The following TMCO5A variants were observed in gnomAD, a reference collection of about 807,000 sequenced individuals.
The protein encoded by TMCO5A is transmembrane and coiled-coil domain-containing protein 5A.
In TMCO5A, 34 loss-of-function variants were observed where a neutral mutation model predicts 42.3. That is an observed-to-expected ratio of 0.80 (90% CI 0.61 to 1.07). TMCO5A has a LOEUF of 1.07. TMCO5A is among the 50% of genes least tolerant of loss of function. The pLI, the probability that TMCO5A is intolerant of heterozygous loss-of-function variation, is 0.00. For missense variants in TMCO5A, 357 were observed against 327.9 expected (o/e 1.09, Z -0.69); for synonymous variants, 131 against 115.6 (o/e 1.13, Z -0.86).
chr15:38,007,584 A>T, the TMCO5A span, among the ~76,000 whole-genome samples: 7 of 152,190 alleles, frequency 4.6e-5, no homozygotes, highest in Non-Finnish European at 1.0e-4. Context: ...GTCCCCTAAA[A>T]CACACTCTCA....
At chr15:37,980,842 T>C in the TMCO5A span, among the ~76,000 whole-genome samples, 1 of 152,078 alleles carries the variant, frequency 6.6e-6, no homozygotes, top group South Asian at 2.1e-4. Flanking sequence ...ATCCACACCC[T>C]CTAAACCCAT....
downstream of TMCO5A, among the ~76,000 whole-genome samples, chr15:37,953,952 T>C (rs538511594): frequency 2.6e-4 from 39 of 151,834 alleles, no homozygotes; most frequent in African/African-American, 8.9e-4. Context: ...AATAGCAGAA[T>C]TGATCAAGCA....
chr15:38,032,372 T>C, the TMCO5A span, among the ~76,000 whole-genome samples: 5 of 152,318 alleles, frequency 3.3e-5, no homozygotes, highest in Admixed American at 2.6e-4. Context: ...TTTTCCTTCC[T>C]GGCATTTTTT....
chr15:38,011,781 T>C, the TMCO5A span, among the ~76,000 whole-genome samples: 9 of 152,310 alleles, frequency 5.9e-5, no homozygotes, highest in East Asian at 1.2e-3. Flanking sequence ...CGTGTTTCTG[T>C]GTATCTTTTC....
chr15:38,029,442 G>A, the TMCO5A span, among the ~76,000 whole-genome samples: 1 of 150,906 alleles, frequency 6.6e-6, no homozygotes, highest in East Asian at 1.9e-4. Flanking sequence ...ATCCTGAGAA[G>A]CATAATCCAC....
At chr15:37,979,871 A>C in the TMCO5A span, among the ~76,000 whole-genome samples, 7,210 of 152,164 alleles carry the variant, frequency 0.047, 567 homozygotes, top group African/African-American at 0.16. Flanking sequence ...CTGCCCACTG[A>C]GGGTAAGTGG....
rs757531069 is a variant in TMCO5A at position 37,936,366 on chromosome 15, A to G, written c.43A>G (p.Ser15Gly). 6.2e-7 allele frequency: 1 copy of G among 1,612,928 alleles called. No homozygotes were observed. Reference sequence around the variant, plus strand: ...GGCTCAGTCAAAAAGAAACATTATCAGTTTGAACATGGACCTTGAAAGGGA... The same window carrying G: ...GGCTCAGTCAAAAAGAAACATTATCGGTTTGAACATGGACCTTGAAAGGGA... ...RLAQSKRNII[S>G]LNMDLERDTQ... Residue 15 changes from serine (S) to glycine (G), a missense_variant, in exon 3 of 12, where the codon AGT becomes GGT. Coordinates refer to ENST00000319669, the MANE Select transcript of TMCO5A (RefSeq NM_152453.4).
the TMCO5A span, among the ~76,000 whole-genome samples, chr15:38,035,896 G>A: frequency 6.6e-6 from 1 of 152,162 alleles, no homozygotes; most frequent in Non-Finnish European, 1.5e-5. Flanking sequence ...GTCAAAAACA[G>A]AGAGGATGCC....
chr15:38,007,480 G>T, the TMCO5A span, among the ~76,000 whole-genome samples: 1 of 152,148 alleles, frequency 6.6e-6, no homozygotes, highest in Non-Finnish European at 1.5e-5. Flanking sequence ...AATTAAAAAA[G>T]ATCTGTTGGA....
Position 37,943,300 on chromosome 15 carries a change from T to C in TMCO5A, c.570-41T>C, listed in dbSNP as rs756896608. ...CCATAGTGTAGTATGAATATTTCAG[T>C]GCACTTTGTTCAATTTCTGTCCTGG... On this transcript the variant is annotated intron_variant, in intron 9 of 11. Coordinates refer to ENST00000319669, the MANE Select transcript of TMCO5A (RefSeq NM_152453.4). 3.1e-6 allele frequency: 5 copies of C among 1,593,970 alleles called. No homozygotes were observed. In the African/African-American group the frequency reaches 4.0e-5, roughly 13 times the overall value.
At chr15:37,991,229 A>G in the TMCO5A span, among the ~76,000 whole-genome samples, 4 of 152,248 alleles carry the variant, frequency 2.6e-5, no homozygotes, top group African/African-American at 9.6e-5. Flanking sequence ...TGTCTTGAAT[A>G]TTCTCAAGTG....
chr15:38,021,471 G>A, the TMCO5A span, among the ~76,000 whole-genome samples: 3 of 147,312 alleles, frequency 2.0e-5, no homozygotes, highest in Non-Finnish European at 3.0e-5. Context: ...CATGTGGGGG[G>A]ATTTTTTTAG....
chr15:37,947,267 T>C (rs997121020), intron 10 of TMCO5A, among the ~76,000 whole-genome samples: 1 of 152,036 alleles, frequency 6.6e-6, no homozygotes, highest in Non-Finnish European at 1.5e-5. Flanking sequence ...GATATGTTTA[T>C]ATAGTTTTCT....
downstream of TMCO5A, among the ~76,000 whole-genome samples, chr15:37,955,255 TAAAAAAAA>T (rs55989832): frequency 1.6e-4 from 17 of 106,246 alleles, no homozygotes; most frequent in African/African-American, 6.2e-4. Context: ...ATTTAAAGAG[TAAAAAAAA>T]AAAAAAAAAA....
chr15:38,015,010 G>A, the TMCO5A span, among the ~76,000 whole-genome samples: 32 of 151,200 alleles, frequency 2.1e-4, no homozygotes, highest in Admixed American at 1.3e-4. Flanking sequence ...CTTGGAGTCC[G>A]ATGTTAGAGG....
At chr15:37,983,878 C>T in the TMCO5A span, among the ~76,000 whole-genome samples, 6 of 152,050 alleles carry the variant, frequency 3.9e-5, no homozygotes, top group South Asian at 6.2e-4. Context: ...GTGGCTGCCA[C>T]CACACTCAGC....
the TMCO5A span, among the ~76,000 whole-genome samples, chr15:38,027,043 G>A: frequency 6.6e-6 from 1 of 152,292 alleles, no homozygotes; most frequent in Admixed American, 6.5e-5. Context: ...AGCATGGAAG[G>A]GAAATGTGGG....
chr15:37,960,761 T>G (rs1890403438), intron 11 of TMCO5A, among the ~76,000 whole-genome samples: 1 of 152,136 alleles, frequency 6.6e-6, no homozygotes, highest in South Asian at 2.1e-4. Flanking sequence ...TGGTTTTGAT[T>G]TGCATTTCCT....
At chr15:37,937,513 GA>G (rs1889563254) in intron 5 of TMCO5A, 117 bp downstream of exon 5, 1 of 1,041,526 alleles carries the variant, frequency 9.6e-7, no homozygotes, top group African/African-American at 1.6e-5. Flanking sequence ...CCTGTATGTG[GA>G]GTGCATATTA....
Sources: allele counts gnomAD v4.1 joint callset (sites outside exome capture counted in the v4.1 genomes callset), GRCh38; gene constraint gnomAD v4.1.1; transcripts MANE v1.5; gene names NCBI Gene and HGNC (gene_info 2026-07-23, HGNC 2026-07-21).